TDRD12: variants seen among roughly 807,000 people sequenced by gnomAD.
TDRD12 encodes tudor domain containing 12.
TDRD12 carries 158 observed loss-of-function variants against 133.5 expected under a neutral mutation model. The ratio of observed to expected loss-of-function variants is 1.18; its 90% confidence interval spans 1.04 to 1.35. The LOEUF is 1.35. Ranked by LOEUF, TDRD12 falls within the 40% of genes most tolerant of loss-of-function variation. The pLI is 0.00. For synonymous variants in TDRD12, 460 were observed against 477.9 expected, an observed-to-expected ratio of 0.96 and a Z score of 0.49; for missense variants, 1,443 against 1,321.3, an observed-to-expected ratio of 1.09 and a Z score of -1.43.
chr19:32,731,629 C>G, intron 1 of TDRD12, 96 bp from the exon 2 acceptor site: 1 of 1,172,830 alleles, frequency 8.5e-7, no homozygotes, highest in Non-Finnish European at 1.1e-6. Flanking sequence ...TGTTAGGTCA[C>G]TTAAATTAGA....
chr19:32,746,540 G>A (rs1173318897), intron 4 of TDRD12, among the ~76,000 whole-genome samples: 3 of 147,880 alleles, frequency 2.0e-5, no homozygotes, highest in South Asian at 2.2e-4. Context: ...CAGAGACGGG[G>A]AGAGAGACTG....
At chr19:32,731,828 A>G in exon 2 of TDRD12, 4 of 1,551,432 alleles carry the variant, frequency 2.6e-6, no homozygotes, top group Non-Finnish European at 3.5e-6. Flanking sequence ...AATGACTTCT[A>G]CAACAGCACG....
intron 27 of TDRD12, among the ~76,000 whole-genome samples, chr19:32,818,492 C>T (rs1967265276): frequency 6.6e-6 from 1 of 152,146 alleles, no homozygotes; most frequent in South Asian, 2.1e-4. Flanking sequence ...GAAGGGAGGG[C>T]TAGGGGACAA....
intron 1 of TDRD12, among the ~76,000 whole-genome samples, chr19:32,723,954 C>T (rs1230977686): frequency 6.6e-6 from 1 of 152,050 alleles, no homozygotes; most frequent in Non-Finnish European, 1.5e-5. Flanking sequence ...AACTCCTGGG[C>T]TCAAGGGAGC....
At chr19:32,730,121 AT>A (rs1969002448) in intron 1 of TDRD12, among the ~76,000 whole-genome samples, 4 of 151,874 alleles carry the variant, frequency 2.6e-5, no homozygotes, top group African/African-American at 9.7e-5. Context: ...CCTTCCCACC[AT>A]TGGTCTTCTC....
chr19:32,800,283 CAA>C lies in TDRD12; in HGVS notation c.1877_1878del (p.Lys626ArgfsTer5), dbSNP rs1354700584. ...GGAACAAACATATAGAACATCTCAT[CAA>C]AGAGTTCATGAATGATCCCTACATT... On this transcript the variant is annotated frameshift_variant, in exon 17 of 28. Transcript: ENST00000444215. LOFTEE classifies it high-confidence loss of function. The C allele has an allele frequency of 1.3e-6, 2 of 1,535,022 alleles. No individual in the cohort carries two copies. The highest frequency in any genetic ancestry group is 1.7e-6 in the Non-Finnish European group (2 of 1,146,584).
intron 6 of TDRD12, among the ~76,000 whole-genome samples, chr19:32,753,083 C>A (rs142262560): frequency 6.6e-6 from 1 of 151,844 alleles, no homozygotes; most frequent in South Asian, 2.1e-4. Flanking sequence ...TGAGCCACCG[C>A]GCCCGGCCAC....
chr19:32,759,644 T>C (rs1408014904), intron 8 of TDRD12, among the ~76,000 whole-genome samples: 1 of 152,174 alleles, frequency 6.6e-6, no homozygotes, highest in East Asian at 1.9e-4. Context: ...TAAAATATTA[T>C]AGAGCCTTTC....
At chr19:32,816,614 A>G (rs1009852087) in intron 26 of TDRD12, among the ~76,000 whole-genome samples, 4 of 152,214 alleles carry the variant, frequency 2.6e-5, no homozygotes, top group Non-Finnish European at 5.9e-5. Flanking sequence ...TCTTTTACAA[A>G]TATATACACT....
chr19:32,801,226 A>G (rs958298684), intron 18 of TDRD12, among the ~76,000 whole-genome samples: 1 of 152,044 alleles, frequency 6.6e-6, no homozygotes, highest in Non-Finnish European at 1.5e-5. Flanking sequence ...AAGAAGAAGA[A>G]AAAGAAGATT....
chr19:32,751,937 A>AGGG (rs1282413757), intron 6 of TDRD12, among the ~76,000 whole-genome samples: 1 of 151,842 alleles, frequency 6.6e-6, no homozygotes, highest in Non-Finnish European at 1.5e-5. Context: ...GCAGTGGCGC[A>AGGG]ATCTCAGCTC....
intron 8 of TDRD12, among the ~76,000 whole-genome samples, chr19:32,763,627 G>A (rs1001340103): frequency 2.6e-5 from 4 of 152,116 alleles, no homozygotes; most frequent in African/African-American, 4.8e-5. Flanking sequence ...TCTTCCTGTC[G>A]AAGCACGAGA....
chr19:32,798,293 T>A lies in TDRD12; in HGVS notation c.1631-15T>A. The A allele has an allele frequency of 6.6e-7, 1 of 1,516,166 alleles. No individual in the cohort carries two copies. Among genetic ancestry groups the A allele is most frequent in the Non-Finnish European group, 8.8e-7 (1 of 1,131,188 alleles). The allele number at this position is 1,516,166 out of a possible 1,614,324, so 93.9% of individuals were successfully genotyped here. Reference sequence around the variant, plus strand: ...GTGGAAAATTGAAAATGTTCACTTTTTTTTTTAAATGCAGGTGATGTGATT... The same window carrying A: ...GTGGAAAATTGAAAATGTTCACTTTATTTTTTAAATGCAGGTGATGTGATT... On this transcript the variant is annotated splice_polypyrimidine_tract_variant and intron_variant, in intron 15 of 27. Transcript: ENST00000444215.
chr19:32,741,563 T>C (rs1228021817), intron 3 of TDRD12, among the ~76,000 whole-genome samples: 3 of 152,234 alleles, frequency 2.0e-5, no homozygotes, highest in Non-Finnish European at 4.4e-5. Flanking sequence ...TTTTTGCGTT[T>C]GATGTTTTAC....
At chr19:32,729,786 T>C (rs1321741267) in intron 1 of TDRD12, among the ~76,000 whole-genome samples, 1 of 117,528 alleles carries the variant, frequency 8.5e-6, no homozygotes, top group African/African-American at 3.6e-5. Context: ...TTCTTTTTTT[T>C]TTTTTTTTTT....
At chr19:32,798,805 C>A (rs960466134) in intron 16 of TDRD12, among the ~76,000 whole-genome samples, 1 of 152,146 alleles carries the variant, frequency 6.6e-6, no homozygotes, top group Non-Finnish European at 1.5e-5. Context: ...GTATTTGCTT[C>A]TTTTTCTTTG....
chr19:32,749,773 A>G lies in TDRD12; in HGVS notation c.497-11A>G, dbSNP rs1271800000. ...CATCAGCTGATTTGTGTTTTCATTT[A>G]TGCTATTTAGCAACTACCCAGGTGG... On this transcript the variant is annotated splice_polypyrimidine_tract_variant and intron_variant, in intron 5 of 27. Coordinates refer to ENST00000444215, the Ensembl canonical transcript of TDRD12. 6.5e-7 allele frequency: 1 copy of G among 1,534,546 alleles called. No homozygotes were observed. Among genetic ancestry groups the G allele is most frequent in the Non-Finnish European group, 8.8e-7 (1 of 1,134,720 alleles).
chr19:32,728,818 T>C (rs972393341), intron 1 of TDRD12, among the ~76,000 whole-genome samples: 3 of 150,216 alleles, frequency 2.0e-5, no homozygotes, highest in Non-Finnish European at 3.0e-5. Flanking sequence ...GCTATTTTTT[T>C]TTTTTTTTTT....
chr19:32,732,088 C>A lies in TDRD12; in HGVS notation c.183+205C>A, dbSNP rs111618080. On this transcript the variant is annotated intron_variant, in intron 2 of 27. Transcript: ENST00000444215. ...GCACCATCTGGGCTCACCGCAACCT[C>A]CGTGTCTCGGGTTCAAGCACTTCTT... Among the ~76,000 whole-genome samples the A allele has an allele frequency of 4.7e-4, 71 of 152,270 alleles. 1 individual carries two copies. The highest frequency in any genetic ancestry group is 1.7e-3 in the African/African-American group (71 of 41,560).
Sources: allele counts gnomAD v4.1 joint callset (sites outside exome capture counted in the v4.1 genomes callset), GRCh38; gene constraint gnomAD v4.1.1; transcripts MANE v1.5; gene names NCBI Gene and HGNC (gene_info 2026-07-23, HGNC 2026-07-21).